ZSCAN5A: variants seen among roughly 807,000 people sequenced by gnomAD.
ZSCAN5A encodes zinc finger and SCAN domain-containing protein 5A.
Under a neutral mutation model 23.7 loss-of-function variants are expected in ZSCAN5A, and 12 were observed. The observed-to-expected ratio is 0.51, with a 90% CI of 0.32 to 0.82. ZSCAN5A has a LOEUF of 0.82. Ranked by LOEUF, ZSCAN5A falls within the 40% of genes least tolerant of loss-of-function variation. The pLI, the probability that ZSCAN5A is intolerant of heterozygous loss-of-function variation, is 0.03. For missense variants in ZSCAN5A, 597 were observed against 617.9 expected (o/e 0.97, Z 0.36); for synonymous variants, 257 against 239.9 (o/e 1.07, Z -0.66).
intron 2 of ZSCAN5A, chr19:56,321,257 G>GCCA (rs1568750673): frequency 1.5e-6 from 1 of 668,110 alleles, no homozygotes; most frequent in African/African-American, 1.8e-5. Flanking sequence ...TATCAGTAGT[G>GCCA]CCAGCAATCA....
At chr19:56,238,155 C>G (rs374341061) in intron 2 of ZSCAN5A, among the ~76,000 whole-genome samples, 1 of 130,796 alleles carries the variant, frequency 7.6e-6, no homozygotes, top group African/African-American at 2.7e-5. Context: ...TACACACATA[C>G]GCACACATAC....
chr19:56,346,882 C>CA (rs2041637481), intron 2 of ZSCAN5A, among the ~76,000 whole-genome samples: 2 of 152,058 alleles, frequency 1.3e-5, no homozygotes, highest in Admixed American at 1.3e-4. Flanking sequence ...CACCTGCTAC[C>CA]ATGCCCGGCC....
Position 56,308,317 on chromosome 19 carries a change from C to T in ZSCAN5A, c.-128+4966G>A, listed in dbSNP as rs575709082. ...AAAGTGCTGGGATTACAGGCGTGAG[C>T]GGTGGCTCCCAGTCTTTTTTTTTTG... On this transcript the variant is annotated intron_variant, in intron 2 of 5. Coordinates refer to ENST00000683990, the MANE Select transcript of ZSCAN5A (RefSeq NM_001322064.3). Among the ~76,000 whole-genome samples, 8 of 151,210 alleles carry T rather than the reference C, an allele frequency of 5.3e-5. No individual in the cohort carries two copies. In the East Asian group the frequency reaches 9.8e-4, roughly 19 times the overall value.
chr19:56,280,073 TATTA>T lies in ZSCAN5A; in HGVS notation c.-128+33206_-128+33209del, dbSNP rs1014924539. Among the ~76,000 whole-genome samples the T allele has an allele frequency of 4.5e-4, 68 of 152,326 alleles. 1 individual carries two copies. The highest frequency in any genetic ancestry group is 3.7e-4 in the Non-Finnish European group (25 of 68,026). Reference sequence around the variant, plus strand: ...ATTTCCCTTCCCCGAAAGAATCTGATATTAATTATTTCTTCCAGATCCTTCCAGA... The same window carrying T: ...ATTTCCCTTCCCCGAAAGAATCTGATATTATTTCTTCCAGATCCTTCCAGA... On this transcript the variant is annotated intron_variant, in intron 2 of 5. Transcript: ENST00000683990.
At chr19:56,329,126 A>G (rs1241954773) in intron 2 of ZSCAN5A, among the ~76,000 whole-genome samples, 1 of 152,122 alleles carries the variant, frequency 6.6e-6, no homozygotes, top group East Asian at 1.9e-4. Context: ...AGGTGGATGG[A>G]TCAGTTGAGG....
At chr19:56,314,380 AAG>A (rs1219894570) in intron 1 of ZSCAN5A, 2 of 152,222 alleles carry the variant, frequency 1.3e-5, no homozygotes, top group Non-Finnish European at 1.5e-5. Flanking sequence ...GGAAGGAAAA[AAG>A]AGTGAATCAA....
At chr19:56,337,131 T>C (rs2041546211) in intron 2 of ZSCAN5A, among the ~76,000 whole-genome samples, 1 of 152,232 alleles carries the variant, frequency 6.6e-6, no homozygotes. Flanking sequence ...GACATTTAAG[T>C]CTGCAGATGT....
intron 2 of ZSCAN5A, among the ~76,000 whole-genome samples, chr19:56,274,028 G>C (rs2038059088): frequency 6.6e-6 from 1 of 152,166 alleles, no homozygotes; most frequent in Admixed American, 6.5e-5. Flanking sequence ...AGGCACTGAG[G>C]AAACAGCTCA....
At chr19:56,365,906 G>A (rs2041761075) in intron 1 of ZSCAN5A, 1 of 152,194 alleles carries the variant, frequency 6.6e-6, no homozygotes. Context: ...AAGGACTCTA[G>A]CAGGTTCTCA....
intron 2 of ZSCAN5A, among the ~76,000 whole-genome samples, chr19:56,350,325 A>G (rs560472634): frequency 2.6e-5 from 4 of 152,376 alleles, no homozygotes; most frequent in African/African-American, 9.6e-5. Flanking sequence ...AGGATTTTGT[A>G]TGGTAAATTC....
chr19:56,353,270 G>C (rs2041678963), intron 2 of ZSCAN5A, among the ~76,000 whole-genome samples: 1 of 152,192 alleles, frequency 6.6e-6, no homozygotes, highest in Non-Finnish European at 1.5e-5. Flanking sequence ...AGTGTAACTA[G>C]AGAAAGAATA....
At chr19:56,261,457 A>AG (rs2037123824) in intron 2 of ZSCAN5A, among the ~76,000 whole-genome samples, 1 of 152,162 alleles carries the variant, frequency 6.6e-6, no homozygotes, top group Admixed American at 6.5e-5. Context: ...TCTCCCAAGC[A>AG]TGGCCCCCAC....
Position 56,293,569 on chromosome 19 carries a change from G to A in ZSCAN5A, c.-128+19714C>T, listed in dbSNP as rs78928704. 9.6e-3 allele frequency among the ~76,000 whole-genome samples: 1,456 copies of A among 152,316 alleles called. 20 individuals carry two copies. The highest frequency in any genetic ancestry group is 0.033 in the African/African-American group (1,391 of 41,566). On this transcript the variant is annotated intron_variant, in intron 2 of 5. Transcript: ENST00000683990. The stretch of plus-strand genomic sequence containing the variant: ...TGACTGCACCACTTTCTAGTTCCGT[G>A]GGCTTCGGACCCTCGCCTCCTGAAG...
chr19:56,326,305 T>TTGTGTGTG (rs368735639), intron 2 of ZSCAN5A, among the ~76,000 whole-genome samples: 3,557 of 145,600 alleles, frequency 0.024, 53 homozygotes, highest in South Asian at 0.057. Context: ...ACAGTTACCA[T>TTGTGTGTG]TGTGTGTGTG....
In ZSCAN5A at chr19:56,352,654, C is replaced by G. The variant is rs941664425; in HGVS notation, c.-358+10581G>C. Among the ~76,000 whole-genome samples, 36 of 152,164 alleles carry G rather than the reference C, an allele frequency of 2.4e-4. No individual in the cohort carries two copies. The highest frequency in any genetic ancestry group is 8.0e-4 in the African/African-American group (33 of 41,440). The stretch of plus-strand genomic sequence containing the variant: ...AAGGCGGTCAGTGGGTGGGAAATTA[C>G]AAAGAACAACTTGATTAGGTATCAG... On this transcript the variant is annotated intron_variant, in intron 2 of 6. Transcript: ENST00000587340. This position sits in a 1 kb window ranked among gnomAD's most constrained non-coding sequence, Gnocchi z 4.2.
chr19:56,277,207 G>GT (rs1177380486), intron 2 of ZSCAN5A, among the ~76,000 whole-genome samples: 12 of 152,178 alleles, frequency 7.9e-5, no homozygotes, highest in Admixed American at 3.3e-4. Context: ...TAAATGAAAC[G>GT]TAAGTCCACA....
chr19:56,342,643 A>G, intron 2 of ZSCAN5A: 7 of 492,924 alleles, frequency 1.4e-5, no homozygotes, highest in South Asian at 2.4e-5. Context: ...ATTTGGAAAA[A>G]GGGATCTTGA....
At chr19:56,328,321 A>G (rs528331339) in intron 2 of ZSCAN5A, among the ~76,000 whole-genome samples, 1 of 152,274 alleles carries the variant, frequency 6.6e-6, no homozygotes, top group African/African-American at 2.4e-5. Context: ...CTATTTTATT[A>G]TAAAATAATT....
chr19:56,358,501 C>T lies in ZSCAN5A; in HGVS notation c.-358+4734G>A, dbSNP rs539949982. Among the ~76,000 whole-genome samples the T allele has an allele frequency of 2.6e-5, 4 of 151,684 alleles. No homozygotes were observed. In the South Asian group the frequency reaches 8.4e-4, roughly 32 times the overall value. ...GCGGGAGACTTTAATACCTCACTGC[C>T]AATATTAGACAGATCATCGAGAAAG... On this transcript the variant is annotated intron_variant, in intron 2 of 6. Transcript: ENST00000587340.
Sources: allele counts gnomAD v4.1 joint callset (sites outside exome capture counted in the v4.1 genomes callset), GRCh38; gene constraint gnomAD v4.1.1; non-coding constraint Gnocchi (gnomAD v3.1); transcripts MANE v1.5; gene names NCBI Gene and HGNC (gene_info 2026-07-23, HGNC 2026-07-21).